Variants in CSMD1 observed in about 807,000 individuals in gnomAD.
CSMD1 encodes the protein CUB and Sushi multiple domains 1.
In CSMD1, 213 loss-of-function variants were observed where a neutral mutation model predicts 417.5. The observed-to-expected ratio is 0.51, with a 90% CI of 0.46 to 0.57. The LOEUF (loss-of-function observed/expected upper bound fraction) is 0.57, where lower values mean the gene tolerates loss of function less well. Ranked by LOEUF, CSMD1 falls within the 20% of genes least tolerant of loss-of-function variation. The pLI, the probability that CSMD1 is intolerant of heterozygous loss-of-function variation, is 0.00. For missense variants in CSMD1, 6,923 were observed against 4,529.7 expected, an observed-to-expected ratio of 1.53 and a Z score of -15.17; for synonymous variants, 2,862 against 1,736.8, an observed-to-expected ratio of 1.65 and a Z score of -16.11.
chr8:3,315,315 G>A (rs1219366549), intron 23 of CSMD1, among the ~76,000 whole-genome samples: 1 of 152,074 alleles, frequency 6.6e-6, no homozygotes, highest in Admixed American at 6.6e-5. Context: ...TAGTTCACTT[G>A]AGAAGGAAAG....
chr8:4,853,801 C>T (rs903466701), intron 1 of CSMD1, among the ~76,000 whole-genome samples: 2 of 152,140 alleles, frequency 1.3e-5, no homozygotes, highest in South Asian at 2.1e-4. Flanking sequence ...CCCACAAAGC[C>T]ACAGTGGACC....
chr8:4,832,471 G>C (rs772940769), intron 1 of CSMD1, among the ~76,000 whole-genome samples: 58 of 152,150 alleles, frequency 3.8e-4, no homozygotes, highest in Non-Finnish European at 7.4e-4. Context: ...ATTACAAATT[G>C]TTCATGTAAA....
In CSMD1 at chr8:3,207,509, T is replaced by A. The variant is rs998197291; in HGVS notation, c.4868-1889A>T. ...GATAACATGTTTAATTCTTTGAATG[T>A]TAATTAGCATTATGTTAAATATTAA... On this transcript the variant is annotated intron_variant, in intron 30 of 69. Coordinates refer to ENST00000635120, the MANE Select transcript of CSMD1 (RefSeq NM_033225.6). Among the ~76,000 whole-genome samples, 6 of 152,134 alleles carry A rather than the reference T, an allele frequency of 3.9e-5. No homozygotes were observed. The East Asian group carries it at 9.6e-4, about 24-fold the overall frequency.
intron 12 of CSMD1, among the ~76,000 whole-genome samples, chr8:3,458,766 G>T (rs1215459662): frequency 6.6e-6 from 1 of 152,104 alleles, no homozygotes. Flanking sequence ...GTTACTAAAT[G>T]GCTCACCAAG....
At chr8:3,578,053 C>G (rs1359853302) in intron 9 of CSMD1, among the ~76,000 whole-genome samples, 1 of 152,164 alleles carries the variant, frequency 6.6e-6, no homozygotes, top group African/African-American at 2.4e-5. Flanking sequence ...GCCAGGAAAG[C>G]TTACATTAAT....
At chr8:4,158,358 G>A (rs543949508) in intron 3 of CSMD1, among the ~76,000 whole-genome samples, 23 of 151,966 alleles carry the variant, frequency 1.5e-4, no homozygotes, top group South Asian at 8.3e-4. Flanking sequence ...AAGAAAACCC[G>A]AAAGAAATAG....
At chr8:3,758,957 T>A (rs890663097) in intron 5 of CSMD1, among the ~76,000 whole-genome samples, 1 of 152,208 alleles carries the variant, frequency 6.6e-6, no homozygotes, top group Admixed American at 6.5e-5. Flanking sequence ...AGTGACGCAT[T>A]GAGGGCTTCA....
At chr8:3,185,425 T>A (rs1378617587) in intron 36 of CSMD1, among the ~76,000 whole-genome samples, 1 of 152,210 alleles carries the variant, frequency 6.6e-6, no homozygotes, top group African/African-American at 2.4e-5. Flanking sequence ...CATGCAGCTG[T>A]CTTAATTTTG....
At chr8:4,392,411 C>T (rs1803906505) in intron 3 of CSMD1, among the ~76,000 whole-genome samples, 1 of 151,848 alleles carries the variant, frequency 6.6e-6, no homozygotes, top group Admixed American at 6.6e-5. Flanking sequence ...TATTCAAATC[C>T]CTCCCAAAAA....
intron 12 of CSMD1, among the ~76,000 whole-genome samples, chr8:3,425,777 A>G (rs1813801132): frequency 6.6e-6 from 1 of 152,116 alleles, no homozygotes; most frequent in Admixed American, 6.6e-5. Context: ...AATAGACAGC[A>G]AATTTAACCA....
At chr8:3,394,293 T>G (rs1811554363) in intron 17 of CSMD1, among the ~76,000 whole-genome samples, 1 of 148,110 alleles carries the variant, frequency 6.8e-6, no homozygotes, top group Non-Finnish European at 1.5e-5. Flanking sequence ...TAATAAAATA[T>G]TATTATTATA....
At chr8:4,323,773 G>C (rs1304366622) in intron 3 of CSMD1, among the ~76,000 whole-genome samples, 2 of 152,114 alleles carry the variant, frequency 1.3e-5, no homozygotes, top group South Asian at 4.1e-4. Flanking sequence ...CCCCTGGCCA[G>C]ACCTGCCTAT....
chr8:4,610,078 G>C (rs779435275), intron 2 of CSMD1, among the ~76,000 whole-genome samples: 3 of 151,376 alleles, frequency 2.0e-5, no homozygotes, highest in Non-Finnish European at 4.4e-5. Flanking sequence ...TTGCTATAAG[G>C]ATGCTCCCCT....
At chr8:4,732,776 G>C (rs1188158237) in intron 1 of CSMD1, among the ~76,000 whole-genome samples, 2 of 152,136 alleles carry the variant, frequency 1.3e-5, no homozygotes, top group East Asian at 1.9e-4. Flanking sequence ...AGCTCTAATT[G>C]TGCCCAAATC....
intron 5 of CSMD1, among the ~76,000 whole-genome samples, chr8:3,781,396 T>C (rs1340017519): frequency 6.6e-6 from 1 of 152,142 alleles, no homozygotes. Context: ...TGCAAGCTTG[T>C]GCTGTGAGGC....
chr8:3,162,382 A>T (rs975554136), intron 37 of CSMD1, 105 bp from the exon 38 acceptor site: 8 of 736,448 alleles, frequency 1.1e-5, no homozygotes, highest in African/African-American at 7.0e-5. Context: ...GTAGAAATGA[A>T]CAAAGACTTC....
intron 54 of CSMD1, among the ~76,000 whole-genome samples, chr8:2,986,426 C>G (rs567342920): frequency 6.6e-6 from 1 of 152,144 alleles, no homozygotes; most frequent in Non-Finnish European, 1.5e-5. Flanking sequence ...TCAGATCAAC[C>G]CCTAAGACTG....
In CSMD1 at chr8:3,309,413, A is replaced by G. The variant is rs552298888; in HGVS notation, c.3632-910T>C. Among the ~76,000 whole-genome samples the G allele has an allele frequency of 8.4e-5, 12 of 142,776 alleles. 1 individual carries two copies. In the South Asian group the frequency reaches 2.8e-3, roughly 34 times the overall value. The allele number at this position is 142,776 out of a possible 152,430, so 93.7% of individuals were successfully genotyped here. ...CTCTTGAGGAAATCCACACAACAAC[A>G]GAAACTCCAGAAATGAATCATTATA... On this transcript the variant is annotated intron_variant, in intron 23 of 69. Coordinates refer to ENST00000635120, the MANE Select transcript of CSMD1 (RefSeq NM_033225.6).
In CSMD1 at chr8:4,541,794, C is replaced by G. The variant is rs545209574; in HGVS notation, c.302+95548G>C. 1.7e-3 allele frequency among the ~76,000 whole-genome samples: 260 copies of G among 151,816 alleles called. 9 individuals are homozygous for G. Among genetic ancestry groups the G allele is most frequent in the Non-Finnish European group, 2.1e-3 (142 of 67,894 alleles). On this transcript the variant is annotated intron_variant, in intron 2 of 69. Coordinates refer to ENST00000635120, the MANE Select transcript of CSMD1 (RefSeq NM_033225.6). ...TCACTCTTATATCACCATGCTTGACCAAAAATAATAATAATAAGTGGAATT... is the reference window on the plus strand; with the variant it reads ...TCACTCTTATATCACCATGCTTGACGAAAAATAATAATAATAAGTGGAATT...
Sources: allele counts gnomAD v4.1 joint callset (sites outside exome capture counted in the v4.1 genomes callset), GRCh38; gene constraint gnomAD v4.1.1; transcripts MANE v1.5; gene names NCBI Gene and HGNC (gene_info 2026-07-23, HGNC 2026-07-21).